Variants in GPHN observed in about 807,000 individuals in gnomAD.
The protein encoded by GPHN is gephyrin.
In GPHN, 17 loss-of-function variants were observed where a neutral mutation model predicts 95.5. That is an observed-to-expected ratio of 0.18 (90% CI 0.12 to 0.27). The LOEUF (loss-of-function observed/expected upper bound fraction) is 0.27, where lower values mean the gene tolerates loss of function less well. Among genes scored for constraint, GPHN ranks in the 10% least tolerant of loss-of-function variants. The pLI is 1.00. For missense variants in GPHN, 660 were observed against 978.1 expected (o/e 0.67, Z 4.34); for synonymous variants, 320 against 322.5 (o/e 0.99, Z 0.08).
the GPHN span, among the ~76,000 whole-genome samples, chr14:67,439,581 CT>C: frequency 5.1e-5 from 6 of 118,438 alleles, no homozygotes; most frequent in East Asian, 4.5e-4. Flanking sequence ...TTCTTTCTTT[CT>C]TTCTTTCTTT....
intron 2 of GPHN, among the ~76,000 whole-genome samples, chr14:66,706,505 A>G (rs1595627205): frequency 2.0e-5 from 3 of 152,150 alleles, no homozygotes; most frequent in South Asian, 4.1e-4. Flanking sequence ...CAGAAATAAC[A>G]CCACACATCT....
intron 3 of GPHN, among the ~76,000 whole-genome samples, chr14:66,794,025 G>C (rs140289647): frequency 6.6e-6 from 1 of 152,258 alleles, no homozygotes; most frequent in African/African-American, 2.4e-5. Flanking sequence ...ACCCATCTGT[G>C]TGCTTTCTGC....
the GPHN span, among the ~76,000 whole-genome samples, chr14:67,421,150 A>G: frequency 6.6e-6 from 1 of 152,200 alleles, no homozygotes; most frequent in African/African-American, 2.4e-5. Flanking sequence ...ATTAGTATGA[A>G]TTTTAAGACC....
At chr14:67,555,286 A>G in the GPHN span, among the ~76,000 whole-genome samples, 4 of 152,372 alleles carry the variant, frequency 2.6e-5, no homozygotes, top group South Asian at 8.3e-4. Context: ...AAGATTCAAG[A>G]AATCAAATAA....
At chr14:67,182,046 A>G (rs1044944329), downstream of GPHN, among the ~76,000 whole-genome samples, 18 of 152,330 alleles carry the variant, frequency 1.2e-4, no homozygotes, top group Middle Eastern at 3.4e-3. Flanking sequence ...CTTTCCAGTC[A>G]TAGCTGGAGA....
intron 8 of GPHN, among the ~76,000 whole-genome samples, chr14:66,932,757 G>A (rs558249385): frequency 7.9e-4 from 120 of 151,830 alleles, no homozygotes; most frequent in Admixed American, 1.2e-3. Flanking sequence ...TGCGAGGCCT[G>A]TATCTCTCCC....
chr14:66,904,405 C>G (rs776305322), intron 5 of GPHN, among the ~76,000 whole-genome samples: 10 of 152,138 alleles, frequency 6.6e-5, no homozygotes, highest in Non-Finnish European at 1.3e-4. Flanking sequence ...TTACAAATCT[C>G]TAGCTAGCCA....
intron 2 of GPHN, among the ~76,000 whole-genome samples, chr14:66,713,519 G>T (rs1190006861): frequency 6.6e-6 from 1 of 152,126 alleles, no homozygotes; most frequent in Non-Finnish European, 1.5e-5. Context: ...GTACCATGCT[G>T]TTTTGGTGAT....
At chr14:66,623,218 A>G (rs2153320791) in intron 1 of GPHN, among the ~76,000 whole-genome samples, 1 of 152,208 alleles carries the variant, frequency 6.6e-6, no homozygotes, top group African/African-American at 2.4e-5. Context: ...TTTTAAAACA[A>G]TCAGATTTCA....
intron 2 of GPHN, among the ~76,000 whole-genome samples, chr14:66,727,907 C>T (rs943126899): frequency 6.6e-6 from 1 of 152,132 alleles, no homozygotes; most frequent in Admixed American, 6.5e-5. Flanking sequence ...AAAATGTCAC[C>T]AGGGCATGTA....
the GPHN span, chr14:67,386,044 A>G: frequency 1.3e-5 from 2 of 152,276 alleles, no homozygotes; most frequent in African/African-American, 4.8e-5. Flanking sequence ...TTTGCAACCT[A>G]TGGAGATCCT....
intron 5 of GPHN, among the ~76,000 whole-genome samples, chr14:66,907,468 C>G (rs2065440729): frequency 6.6e-6 from 1 of 152,050 alleles, no homozygotes; most frequent in African/African-American, 2.4e-5. Flanking sequence ...TTTTTTAGAG[C>G]AGTAACACTA....
the GPHN span, chr14:67,202,914 C>T: frequency 1.8e-5 from 4 of 217,934 alleles, no homozygotes; most frequent in African/African-American, 2.3e-5. Context: ...CCCCATGGGT[C>T]AGAGGCTGTG....
intron 9 of GPHN, among the ~76,000 whole-genome samples, chr14:66,972,282 A>G (rs2069851174): frequency 1.6e-5 from 2 of 127,366 alleles, no homozygotes; most frequent in African/African-American, 4.3e-5. Context: ...AAAAAAAAAA[A>G]AAGAAAGAAA....
intron 5 of GPHN, among the ~76,000 whole-genome samples, chr14:66,891,762 A>T (rs58753995): frequency 0.18 from 26,395 of 150,782 alleles, 2,646 homozygotes; most frequent in Non-Finnish European, 0.23. Context: ...ATATATATAT[A>T]TTTTTTTTAA....
chr14:66,624,062 A>T (rs1035557115), intron 1 of GPHN, among the ~76,000 whole-genome samples: 2 of 152,162 alleles, frequency 1.3e-5, no homozygotes, highest in South Asian at 2.1e-4. Flanking sequence ...TTCCACTCCC[A>T]GTACTCTCTG....
At chr14:67,455,252 G>C in the GPHN span, among the ~76,000 whole-genome samples, 1 of 152,072 alleles carries the variant, frequency 6.6e-6, no homozygotes, top group Non-Finnish European at 1.5e-5. Flanking sequence ...GCCCACCCTC[G>C]TTCTCACCCT....
At chr14:66,905,987 C>T (rs958595633) in intron 5 of GPHN, among the ~76,000 whole-genome samples, 49 of 143,252 alleles carry the variant, frequency 3.4e-4, no homozygotes, top group Admixed American at 2.9e-3. Flanking sequence ...ATATTTGATT[C>T]GAGGCTTTTT....
chr14:67,662,223 T>C, the GPHN span, among the ~76,000 whole-genome samples: 2 of 150,754 alleles, frequency 1.3e-5, no homozygotes, highest in Admixed American at 1.3e-4. Context: ...TGGGTAAAAG[T>C]ATGAGAATGC....
Sources: allele counts gnomAD v4.1 joint callset (sites outside exome capture counted in the v4.1 genomes callset), GRCh38; gene constraint gnomAD v4.1.1; transcripts MANE v1.5; gene names NCBI Gene and HGNC (gene_info 2026-07-23, HGNC 2026-07-21).